The following LINGO2 variants were observed in gnomAD, a reference collection of about 807,000 sequenced individuals.
LINGO2 encodes the protein leucine-rich repeat and immunoglobulin-like domain-containing nogo receptor-interacting protein 2.
A neutral mutation model predicts 30.6 loss-of-function variants in LINGO2; 14 were observed. The observed-to-expected ratio is 0.46, with a 90% confidence interval of 0.30 to 0.72. The LOEUF (loss-of-function observed/expected upper bound fraction) is 0.72. LINGO2 is among the 30% of genes least tolerant of loss of function. The pLI, the probability that LINGO2 is intolerant of heterozygous loss-of-function variation, is 0.07. For missense variants in LINGO2, 729 were observed against 751.7 expected (o/e 0.97, Z 0.35); for synonymous variants, 317 against 288.5 (o/e 1.10, Z -1.00).
At chr9:28,440,906 G>A (rs187109485) in intron 2 of LINGO2, among the ~76,000 whole-genome samples, 5 of 152,176 alleles carry the variant, frequency 3.3e-5, no homozygotes, top group African/African-American at 1.2e-4. Flanking sequence ...ATGACCTAGA[G>A]GCATATCTGT....
At chr9:28,906,691 T>C in the LINGO2 span, among the ~76,000 whole-genome samples, 1 of 151,920 alleles carries the variant, frequency 6.6e-6, no homozygotes, top group African/African-American at 2.4e-5. Context: ...CCTGCTCCAT[T>C]CCGATTACTG....
the LINGO2 span, among the ~76,000 whole-genome samples, chr9:28,870,244 G>A: frequency 6.7e-3 from 1,015 of 151,930 alleles, 13 homozygotes; most frequent in African/African-American, 0.023. Context: ...AGTTTATTAC[G>A]ATCTGACAAC....
At chr9:28,741,895 T>C in the LINGO2 span, among the ~76,000 whole-genome samples, 6 of 151,796 alleles carry the variant, frequency 4.0e-5, no homozygotes, top group African/African-American at 1.5e-4. Flanking sequence ...GGGTTTAGCC[T>C]GGTGCTGAGA....
chr9:28,716,188 A>G, the LINGO2 span, among the ~76,000 whole-genome samples: 1 of 151,868 alleles, frequency 6.6e-6, no homozygotes, highest in Non-Finnish European at 1.5e-5. Context: ...TAAACAATAA[A>G]ATCTTCTCAG....
intron 1 of LINGO2, among the ~76,000 whole-genome samples, chr9:28,553,285 A>C (rs2135512761): frequency 6.6e-6 from 1 of 152,240 alleles, no homozygotes. Context: ...AGAATAACCA[A>C]TACAGAGAAG....
At chr9:28,559,945 C>T (rs1020868721) in intron 1 of LINGO2, among the ~76,000 whole-genome samples, 1 of 151,946 alleles carries the variant, frequency 6.6e-6, no homozygotes, top group African/African-American at 2.4e-5. Context: ...CTCTATTCTC[C>T]AACATCTGTA....
chr9:28,710,043 T>C, the LINGO2 span, among the ~76,000 whole-genome samples: 1 of 151,312 alleles, frequency 6.6e-6, no homozygotes, highest in Middle Eastern at 3.4e-3. Flanking sequence ...ACATCTCGGA[T>C]GCCATGGTTT....
At position 28,070,381 on chromosome 9, in the gene LINGO2, A is replaced by T. The variant is rs543961066; in HGVS notation, c.-86-57976T>A. On this transcript the variant is annotated intron_variant, in intron 4 of 5. Coordinates refer to ENST00000379992, the Ensembl canonical transcript of LINGO2. ...GTTTATCTGACTTTAAAACTTACAC[A>T]TAGCCACATGACCTATACCAAAAAC... Among the ~76,000 whole-genome samples the T allele has an allele frequency of 2.6e-5, 4 of 152,254 alleles. No individual in the cohort carries two copies. In the East Asian group the frequency reaches 7.7e-4, roughly 29 times the overall value.
At chr9:28,310,459 T>G (rs1391838390) in intron 3 of LINGO2, among the ~76,000 whole-genome samples, 1 of 152,134 alleles carries the variant, frequency 6.6e-6, no homozygotes, top group African/African-American at 2.4e-5. Flanking sequence ...CCAAAAAGAA[T>G]GTATACTCTT....
the LINGO2 span, among the ~76,000 whole-genome samples, chr9:28,741,955 G>A: frequency 6.6e-6 from 1 of 152,006 alleles, no homozygotes. Context: ...AGCCCCTGCA[G>A]TCAGTTTGAC....
chr9:28,250,676 C>T (rs1822165720), intron 4 of LINGO2, among the ~76,000 whole-genome samples: 1 of 152,190 alleles, frequency 6.6e-6, no homozygotes, highest in South Asian at 2.1e-4. Flanking sequence ...CACCCTAACC[C>T]CTCACCAGAG....
At chr9:28,635,076 TATG>T (rs1827194503) in intron 1 of LINGO2, among the ~76,000 whole-genome samples, 1 of 152,072 alleles carries the variant, frequency 6.6e-6, no homozygotes, top group Non-Finnish European at 1.5e-5. Context: ...CAAAGCAAAA[TATG>T]ATGATAAGAA....
intron 4 of LINGO2, among the ~76,000 whole-genome samples, chr9:28,161,452 G>A (rs1326522291): frequency 6.6e-6 from 1 of 152,046 alleles, no homozygotes; most frequent in Non-Finnish European, 1.5e-5. Flanking sequence ...TCAGTAATAA[G>A]TGAAATAAGT....
chr9:28,614,476 A>C (rs1446069347), intron 1 of LINGO2, among the ~76,000 whole-genome samples: 1 of 152,130 alleles, frequency 6.6e-6, no homozygotes, highest in Non-Finnish European at 1.5e-5. Flanking sequence ...ACATTAATCT[A>C]GCATCCCTCT....
In LINGO2 at chr9:28,542,371, T is replaced by C. The variant is rs192192741; in HGVS notation, c.-364-66346A>G. Among the ~76,000 whole-genome samples the C allele has an allele frequency of 4.6e-5, 7 of 152,046 alleles. No individual in the cohort carries two copies. In the East Asian group the frequency reaches 1.4e-3, roughly 30 times the overall value. Reference sequence around the variant, plus strand: ...TCAGAATCTGGGCAATACATCTTCCTATCTACCAGAGAGGCCTAAGGAAAG... The same window carrying C: ...TCAGAATCTGGGCAATACATCTTCCCATCTACCAGAGAGGCCTAAGGAAAG... On this transcript the variant is annotated intron_variant, in intron 1 of 5. Coordinates refer to ENST00000379992, the Ensembl canonical transcript of LINGO2.
At chr9:28,830,513 A>G in the LINGO2 span, among the ~76,000 whole-genome samples, 7 of 152,182 alleles carry the variant, frequency 4.6e-5, no homozygotes, top group Non-Finnish European at 1.0e-4. Context: ...TGGCCACTCA[A>G]TAAAGTACAG....
chr9:29,035,133 T>TA, the LINGO2 span, among the ~76,000 whole-genome samples: 11 of 152,076 alleles, frequency 7.2e-5, no homozygotes, highest in African/African-American at 2.4e-4. Flanking sequence ...AAGAAAAATA[T>TA]AAAAAAGTAA....
intron 4 of LINGO2, among the ~76,000 whole-genome samples, chr9:28,093,458 C>G (rs1335991377): frequency 6.6e-6 from 1 of 152,016 alleles, no homozygotes; most frequent in Non-Finnish European, 1.5e-5. Context: ...CACTGCGAAA[C>G]TTAAAGGAAG....
At chr9:28,826,127 C>T in the LINGO2 span, among the ~76,000 whole-genome samples, 1 of 152,108 alleles carries the variant, frequency 6.6e-6, no homozygotes, top group East Asian at 1.9e-4. Context: ...GTAAGAACGA[C>T]ATACCAACCA....
Sources: gnomAD v4.1 joint callset for allele counts (sites outside exome capture counted in the v4.1 genomes callset) on GRCh38, gnomAD v4.1.1 for gene constraint, MANE v1.5 for transcripts, NCBI Gene and HGNC (gene_info 2026-07-23, HGNC 2026-07-21) for gene names.